ATP13A4: variants seen among roughly 807,000 people sequenced by gnomAD.
ATP13A4 encodes the protein ATPase 13A4, also known as probable cation-transporting ATPase 13A4.
A neutral mutation model predicts 142.5 loss-of-function variants in ATP13A4; 114 were observed. That is an observed-to-expected ratio of 0.80 (90% CI 0.69 to 0.93). The LOEUF is 0.93. ATP13A4 is among the 40% of genes least tolerant of loss of function. The probability of loss-of-function intolerance (pLI) is 0.00; values close to 1 mark genes in which losing one functional copy is unlikely to be tolerated. For missense variants in ATP13A4, 1,392 were observed against 1,454.0 expected (o/e 0.96, Z 0.69); for synonymous variants, 488 against 514.8 (o/e 0.95, Z 0.70).
Position 193,400,778 on chromosome 3 carries a change from T to C in ATP13A4, c.*1874A>G, listed in dbSNP as rs1474754616. On this transcript the variant is annotated 3_prime_UTR_variant, in exon 30 of 30. Transcript: ENST00000342695. ...ACTTAGCAAAGGGCACATTTAAGTA[T>C]GAACTGTGCAGGCTGATCTTGCTCA... Among the ~76,000 whole-genome samples, 1 of 152,214 alleles carries C rather than the reference T, an allele frequency of 6.6e-6. No individual in the cohort carries two copies. Among genetic ancestry groups the C allele is most frequent in the African/African-American group, 2.4e-5 (1 of 41,452 alleles).
At chr3:193,407,545 T>C (rs1337214241) in intron 28 of ATP13A4, 152 bp from the exon 29 acceptor site, 4 of 532,962 alleles carry the variant, frequency 7.5e-6, no homozygotes, top group Non-Finnish European at 1.3e-5. Context: ...TATAAAAAAT[T>C]TCTATGCTTG....
chr3:193,481,603 A>G (rs1468039228), intron 8 of ATP13A4, among the ~76,000 whole-genome samples: 1 of 152,180 alleles, frequency 6.6e-6, no homozygotes, highest in East Asian at 1.9e-4. Flanking sequence ...GCAGATGTGA[A>G]TTTTGGCTTA....
At chr3:193,505,390 T>C (rs1435305021) in intron 2 of ATP13A4, among the ~76,000 whole-genome samples, 1 of 152,160 alleles carries the variant, frequency 6.6e-6, no homozygotes, top group Admixed American at 6.5e-5. Flanking sequence ...ACCAACTAAC[T>C]GTATGCCTTA....
chr3:193,433,967 AAT>A (rs1328906177), intron 24 of ATP13A4, 50 bp from the exon 25 acceptor site: 2 of 1,345,952 alleles, frequency 1.5e-6, no homozygotes, highest in African/African-American at 2.9e-5. Context: ...TTCTGGATGA[AAT>A]TAGATATTGA....
At chr3:193,455,166 G>A (rs1290012024) in intron 16 of ATP13A4, among the ~76,000 whole-genome samples, 2 of 151,684 alleles carry the variant, frequency 1.3e-5, no homozygotes, top group Non-Finnish European at 2.9e-5. Flanking sequence ...GTGAAACCCC[G>A]TCTCTACTAA....
Position 193,465,037 on chromosome 3 carries a change from A to G in ATP13A4, c.1364T>C (p.Ile455Thr), listed in dbSNP as rs1031540648. 1.2e-6 allele frequency: 2 copies of G among 1,614,108 alleles called. No individual in the cohort carries two copies. The highest frequency in any genetic ancestry group is 1.7e-6 in the Non-Finnish European group (2 of 1,179,988). Residue 455 changes from isoleucine to threonine, a missense_variant, in exon 12 of 30, where the codon ATC (isoleucine) becomes ACC (threonine). By Grantham distance (89) the Ile-to-Thr change is moderately conservative. Transcript: ENST00000342695. ...CTTCTTCAGCCTCCTCTGGGCATAG[A>G]TAATGCCTGTGGTCAGAGCAGCAGG... ...ALPAALTTGI[I>T]YAQRRLKKRG...
chr3:193,460,735 T>C (rs779029147), intron 13 of ATP13A4, among the ~76,000 whole-genome samples: 2 of 152,246 alleles, frequency 1.3e-5, no homozygotes, highest in Non-Finnish European at 2.9e-5. Context: ...TCTGAGTGTA[T>C]AATTCTGCAT....
At chr3:193,450,093 C>T (rs1043601633) in intron 17 of ATP13A4, among the ~76,000 whole-genome samples, 11 of 109,186 alleles carry the variant, frequency 1.0e-4, no homozygotes, top group Admixed American at 9.3e-4. Context: ...GCCTGGGCAA[C>T]AAAAATGAAA....
At position 193,414,646 on chromosome 3, in the gene ATP13A4, G is replaced by A. The variant is rs116053605; in HGVS notation, c.2947C>T (p.Leu983=). ...LSVIFNILLS[L]AMHIAGFILV... ...ATGAAGCCTGCAATATGCATGGCCAGGCTGAGAAGAATGTTGAAAATCACA... is the reference window on the plus strand; with the variant it reads ...ATGAAGCCTGCAATATGCATGGCCAAGCTGAGAAGAATGTTGAAAATCACA... Residue 983 remains leucine (L), a synonymous_variant, in exon 26 of 30, where the codon CTG becomes TTG. Transcript: ENST00000342695. The A allele has an allele frequency of 4.6e-4, 737 of 1,614,132 alleles. 3 individuals carry two copies. In the African/African-American group the frequency reaches 9.0e-3, roughly 20 times the overall value.
At chr3:193,560,356 G>A (rs1376623433) in intron 2 of ATP13A4, among the ~76,000 whole-genome samples, 1 of 151,966 alleles carries the variant, frequency 6.6e-6, no homozygotes, top group African/African-American at 2.4e-5. Context: ...CTACAGGCAA[G>A]AGCCACCATG....
At chr3:193,561,315 G>A (rs552397956) in intron 2 of ATP13A4, among the ~76,000 whole-genome samples, 65 of 152,344 alleles carry the variant, frequency 4.3e-4, no homozygotes, top group South Asian at 8.3e-4. Context: ...GGAAAATCAA[G>A]AACAGGTTCC....
chr3:193,498,841 A>G (rs1257647020), intron 3 of ATP13A4, among the ~76,000 whole-genome samples: 1 of 152,220 alleles, frequency 6.6e-6, no homozygotes, highest in Admixed American at 6.5e-5. Context: ...CTCTCTAGGT[A>G]TTCTATGTGC....
intron 2 of ATP13A4, among the ~76,000 whole-genome samples, chr3:193,578,317 A>ATCTATATCTATATCTATATCTATC (rs1724453055): frequency 6.6e-6 from 1 of 151,338 alleles, no homozygotes; most frequent in Non-Finnish European, 1.5e-5. Context: ...CTATATCTAT[A>ATCTATATCTATATCTATATCTATC]TCTATATCTA....
rs184425659 is a variant in ATP13A4 at position 193,540,747 on chromosome 3, G to A, written c.60+13993C>T. Reference sequence around the variant, plus strand: ...GGAAATATACGTAATTACATATGAAGAGAAACAACATAAAATCATGCAGTA... The same window carrying A: ...GGAAATATACGTAATTACATATGAAAAGAAACAACATAAAATCATGCAGTA... On this transcript the variant is annotated intron_variant, in intron 1 of 29. Transcript: ENST00000342695. 3.7e-3 allele frequency among the ~76,000 whole-genome samples: 561 copies of A among 151,526 alleles called. 2 individuals carry two copies. The highest frequency in any genetic ancestry group is 6.0e-3 in the Non-Finnish European group (405 of 67,910).
chr3:193,491,098 TG>T (rs1475531289), intron 6 of ATP13A4, among the ~76,000 whole-genome samples: 1 of 152,212 alleles, frequency 6.6e-6, no homozygotes, highest in Non-Finnish European at 1.5e-5. Context: ...AGCCATTAAA[TG>T]GTAAATAAGT....
chr3:193,524,099 C>T (rs1451318068), intron 1 of ATP13A4, among the ~76,000 whole-genome samples: 1 of 152,184 alleles, frequency 6.6e-6, no homozygotes, highest in Non-Finnish European at 1.5e-5. Flanking sequence ...CCAAATAAAC[C>T]TCTTTTCTTT....
In ATP13A4 at chr3:193,470,960, AC is replaced by A; in HGVS notation, c.841del (p.Val281CysfsTer6). The A allele has an allele frequency of 1.2e-6, 2 of 1,614,186 alleles. No homozygotes were observed. The highest frequency in any genetic ancestry group is 1.7e-6 in the Non-Finnish European group (2 of 1,180,028). ...TGTCAAAATTAATAAATCTCCAGGC[AC>A]CAGGACGCGTGATTCCAGCTCTTGA... ...GVQELESRVL[V>X]PGDLLILTGN... On this transcript the variant is annotated frameshift_variant, in exon 9 of 30. Transcript: ENST00000342695. LOFTEE classifies it high-confidence loss of function.
At chr3:193,585,639 C>T (rs752597285) in intron 1 of ATP13A4, among the ~76,000 whole-genome samples, 2 of 152,104 alleles carry the variant, frequency 1.3e-5, no homozygotes, top group Non-Finnish European at 2.9e-5. Context: ...GAGTTCAGCG[C>T]GTCTGTTAGA....
At position 193,491,351 on chromosome 3, in the gene ATP13A4, A is replaced by G. The variant is rs181256207; in HGVS notation, c.581T>C (p.Ile194Thr). ...TACCTCCTTGATGAGCAGTTTCCAAATTGGTGTAACTTCAACATCGATAGT... is the reference window on the plus strand; with the variant it reads ...TACCTCCTTGATGAGCAGTTTCCAAGTTGGTGTAACTTCAACATCGATAGT... ...PNTIDVEVTPIWKLLIKEVLN... is the reference protein window; with the variant it reads ...PNTIDVEVTPTWKLLIKEVLN... Residue 194 changes from isoleucine (I) to threonine (T), a missense_variant, in exon 6 of 30, where the codon ATT becomes ACT. By Grantham distance (89) the Ile-to-Thr change is moderately conservative. Coordinates refer to ENST00000342695, the MANE Select transcript of ATP13A4 (RefSeq NM_032279.4). 362 of 1,602,458 alleles carry G rather than the reference A, an allele frequency of 2.3e-4. No individual in the cohort carries two copies. In the Middle Eastern group the frequency reaches 3.8e-3, roughly 17 times the overall value.
Sources: gnomAD v4.1 joint callset for allele counts (sites outside exome capture counted in the v4.1 genomes callset) on GRCh38, gnomAD v4.1.1 for gene constraint, MANE v1.5 for transcripts, NCBI Gene and HGNC (gene_info 2026-07-23, HGNC 2026-07-21) for gene names.